PIK3C2G: variants seen among roughly 807,000 people sequenced by gnomAD.
PIK3C2G encodes the protein phosphatidylinositol-4-phosphate 3-kinase catalytic subunit type 2 gamma, also known as phosphatidylinositol 3-kinase C2 domain-containing subunit gamma.
PIK3C2G carries 168 observed loss-of-function variants against 181.1 expected under a neutral mutation model. The ratio of observed to expected loss-of-function variants is 0.93; its 90% CI spans 0.82 to 1.05. The LOEUF (loss-of-function observed/expected upper bound fraction) is 1.05. PIK3C2G is among the 50% of genes least tolerant of loss of function. The probability of loss-of-function intolerance (pLI) is 0.00; values close to 1 mark genes in which losing one functional copy is unlikely to be tolerated. For synonymous variants in PIK3C2G, 573 were observed against 592.2 expected (o/e 0.97, Z 0.47); for missense variants, 1,869 against 1,732.8 (o/e 1.08, Z -1.40).
intron 24 of PIK3C2G, among the ~76,000 whole-genome samples, chr12:18,525,410 A>G (rs1260346654): frequency 1.4e-4 from 21 of 152,050 alleles, no homozygotes; most frequent in South Asian, 2.1e-4. Context: ...AAAAATCTGT[A>G]TATCGAAGTT....
intron 16 of PIK3C2G, among the ~76,000 whole-genome samples, chr12:18,409,028 C>T (rs1483714072): frequency 4.6e-5 from 7 of 152,178 alleles, no homozygotes; most frequent in African/African-American, 1.4e-4. Context: ...TACCATTTGA[C>T]CCAGCAATCA....
rs1949844836 is a variant in PIK3C2G at position 18,294,350 on chromosome 12, A to T, written c.1034+335A>T. Among the ~76,000 whole-genome samples, 3 of 152,204 alleles carry T rather than the reference A, an allele frequency of 2.0e-5. No individual in the cohort carries two copies. The South Asian group carries it at 6.2e-4, about 32-fold the overall frequency. ...CAAACTAGGACAAGTTGCTCATCCT[A>T]CCTGTAATAAAGCTTATTAGAACTG... On this transcript the variant is annotated intron_variant, in intron 5 of 32. Transcript: ENST00000538779.
chr12:18,667,975 C>CA, the PIK3C2G span, among the ~76,000 whole-genome samples: 4 of 151,566 alleles, frequency 2.6e-5, no homozygotes, highest in East Asian at 2.0e-4. Flanking sequence ...GCAACAACAA[C>CA]AAAAAAAAAA....
chr12:18,296,139 T>C (rs900078287), intron 5 of PIK3C2G, among the ~76,000 whole-genome samples: 1 of 152,166 alleles, frequency 6.6e-6, no homozygotes, highest in African/African-American at 2.4e-5. Flanking sequence ...CACTGTTATA[T>C]TGCTATATTA....
chr12:18,337,530 G>C (rs79773845), intron 8 of PIK3C2G, among the ~76,000 whole-genome samples: 18,820 of 152,174 alleles, frequency 0.12, 1,485 homozygotes, highest in Middle Eastern at 0.19. Context: ...GAAGTGTGGT[G>C]CCAGCATCTG....
At chr12:18,412,128 AAAGAG>A (rs1168259622) in intron 16 of PIK3C2G, among the ~76,000 whole-genome samples, 1 of 152,170 alleles carries the variant, frequency 6.6e-6, no homozygotes, top group Non-Finnish European at 1.5e-5. Context: ...ATGTTTGAGA[AAAGAG>A]AAGAGTAATG....
chr12:18,669,718 T>C, the PIK3C2G span, among the ~76,000 whole-genome samples: 1 of 152,062 alleles, frequency 6.6e-6, no homozygotes, highest in Non-Finnish European at 1.5e-5. Context: ...AGTCCAGAGA[T>C]GTAATTTCAG....
At chr12:18,281,581 G>C (rs1021170869) in intron 1 of PIK3C2G, among the ~76,000 whole-genome samples, 3 of 152,012 alleles carry the variant, frequency 2.0e-5, no homozygotes, top group Non-Finnish European at 4.4e-5. Flanking sequence ...GGGTAGAAAA[G>C]AGTTAAAACT....
intron 18 of PIK3C2G, among the ~76,000 whole-genome samples, chr12:18,450,122 GTT>G (rs1947267782): frequency 6.6e-6 from 1 of 151,940 alleles, no homozygotes; most frequent in Non-Finnish European, 1.5e-5. Context: ...TTTTAATAGC[GTT>G]GTTTTTTATT....
the PIK3C2G span, chr12:18,694,794 A>C: frequency 0.49 from 423,714 of 856,834 alleles, 110,822 homozygotes; most frequent in South Asian, 0.59. Flanking sequence ...GTACCTGAAA[A>C]GATTAACAGA....
intron 18 of PIK3C2G, among the ~76,000 whole-genome samples, chr12:18,453,710 G>C (rs1332769316): frequency 6.6e-6 from 1 of 151,814 alleles, no homozygotes; most frequent in Non-Finnish European, 1.5e-5. Flanking sequence ...GAGACCCTCT[G>C]TCAGTTTTGT....
At chr12:18,491,725 G>A (rs1940590142) in intron 20 of PIK3C2G, among the ~76,000 whole-genome samples, 167 bp downstream of exon 20, 1 of 151,466 alleles carries the variant, frequency 6.6e-6, no homozygotes, top group Non-Finnish European at 1.5e-5. Context: ...GATACACTAA[G>A]ACCAGTTGGG....
chr12:18,569,832 C>T (rs1040357663), intron 29 of PIK3C2G, among the ~76,000 whole-genome samples: 2 of 152,094 alleles, frequency 1.3e-5, no homozygotes, highest in Middle Eastern at 3.2e-3. Context: ...TGAGCTTGAA[C>T]ACTTTTTGAT....
chr12:18,442,959 C>T (rs775131716), intron 18 of PIK3C2G, among the ~76,000 whole-genome samples: 2 of 151,966 alleles, frequency 1.3e-5, no homozygotes, highest in African/African-American at 2.4e-5. Context: ...GCAAACTCCA[C>T]CTCCCGGGTT....
chr12:18,323,732 T>C (rs1364046926), intron 7 of PIK3C2G, among the ~76,000 whole-genome samples: 1 of 152,160 alleles, frequency 6.6e-6, no homozygotes, highest in Non-Finnish European at 1.5e-5. Context: ...ATCAAAAAAA[T>C]CAAGCACTGG....
At chr12:18,600,401 A>G (rs1947644034) in intron 30 of PIK3C2G, among the ~76,000 whole-genome samples, 1 of 151,862 alleles carries the variant, frequency 6.6e-6, no homozygotes, top group African/African-American at 2.4e-5. Context: ...ACCATGAAAG[A>G]CAAAACTATG....
At chr12:18,303,139 T>TTCTTTCTTTC (rs1555153609) in intron 5 of PIK3C2G, among the ~76,000 whole-genome samples, 3 of 128,660 alleles carry the variant, frequency 2.3e-5, no homozygotes, top group African/African-American at 9.0e-5. Flanking sequence ...TCTTTCTTTC[T>TTCTTTCTTTC]TTTCTTTTCT....
At chr12:18,363,157 C>A in intron 12 of PIK3C2G, 1 of 244,966 alleles carries the variant, frequency 4.1e-6, no homozygotes, top group East Asian at 1.0e-4. Context: ...ATTAATCATT[C>A]ACACACTGTG....
At chr12:18,475,582 T>G (rs544293047) in intron 18 of PIK3C2G, among the ~76,000 whole-genome samples, 1 of 152,236 alleles carries the variant, frequency 6.6e-6, no homozygotes, top group East Asian at 1.9e-4. Context: ...GCAATTATTT[T>G]TAAACAGTAA....
Sources: gnomAD v4.1 joint callset for allele counts (sites outside exome capture counted in the v4.1 genomes callset) on GRCh38, gnomAD v4.1.1 for gene constraint, MANE v1.5 for transcripts, NCBI Gene and HGNC (gene_info 2026-07-23, HGNC 2026-07-21) for gene names.